The following HUWE1 variants were observed in gnomAD, a reference collection of about 807,000 sequenced individuals.
HUWE1 encodes HECT, UBA and WWE domain containing E3 ubiquitin protein ligase 1.
Under a neutral mutation model 299.4 loss-of-function variants are expected in HUWE1, and 18 were observed. The observed-to-expected ratio is 0.06, with a 90% CI of 0.04 to 0.09. The LOEUF is 0.09. Among genes scored for constraint, HUWE1 ranks in the 10% least tolerant of loss-of-function variants. HUWE1 has a pLI of 1.00. For synonymous variants in HUWE1, 1,317 were observed against 1,286.1 expected, an observed-to-expected ratio of 1.02 and a Z score of -0.51; for missense variants, 1,832 against 3,462.3, an observed-to-expected ratio of 0.53 and a Z score of 11.82.
chrX:53,603,527 T>G, intron 26 of HUWE1, 26 bp from the exon 27 acceptor site: 1 of 1,198,597 alleles, frequency 8.3e-7, no homozygotes, highest in Non-Finnish European at 1.1e-6. Context: ...GAATTTCACC[T>G]TTGGGATGTT....
chrX:53,599,999 A>C, intron 29 of HUWE1, 119 bp downstream of exon 29: 1 of 648,175 alleles, frequency 1.5e-6, no homozygotes, highest in Admixed American at 2.4e-5. Context: ...GACACTTAAA[A>C]ATGAGTCACA....
At chrX:53,645,499 A>T (rs2067914032) in intron 6 of HUWE1, 36 bp from the exon 7 acceptor site, 1 of 1,185,276 alleles carries the variant, frequency 8.4e-7, no homozygotes. Context: ...TCAAGGTATC[A>T]GGCACAACTG....
At chrX:53,672,568 T>C (rs782516206) in intron 3 of HUWE1, among the ~76,000 whole-genome samples, 10 of 111,570 alleles carry the variant, frequency 9.0e-5, no homozygotes, top group African/African-American at 2.6e-4. Flanking sequence ...TGAGATGTCC[T>C]CATTCTTAAG....
intron 39 of HUWE1, among the ~76,000 whole-genome samples, chrX:53,585,818 C>T (rs1206709654): frequency 1.8e-5 from 2 of 111,509 alleles, no homozygotes; most frequent in Non-Finnish European, 3.8e-5. Flanking sequence ...ACCTGAGTAG[C>T]TGGGACCATA....
chrX:53,654,445 A>G (rs1308858465), intron 3 of HUWE1, among the ~76,000 whole-genome samples: 2 of 111,947 alleles, frequency 1.8e-5, no homozygotes, highest in East Asian at 5.6e-4. Flanking sequence ...TGTTTGCAAC[A>G]CATCTCAGGA....
At chrX:53,569,473 G>A (rs782152789) in intron 48 of HUWE1, 143 bp downstream of exon 48, 623 of 555,769 alleles carry the variant, frequency 1.1e-3, no homozygotes, top group Non-Finnish European at 1.7e-3. Context: ...ATTTCCAACC[G>A]CCAGAACTAT....
intron 57 of HUWE1, 65 bp from the exon 58 acceptor site, chrX:53,559,125 C>T: frequency 1.2e-5 from 11 of 936,889 alleles, no homozygotes; most frequent in Non-Finnish European, 1.5e-5. Context: ...TCCACCGATC[C>T]AAAAATTGCA....
At chrX:53,611,491 A>T (rs944501547) in intron 23 of HUWE1, among the ~76,000 whole-genome samples, 6 of 112,125 alleles carry the variant, frequency 5.4e-5, no homozygotes, top group Non-Finnish European at 9.4e-5. Context: ...TGATGACAGA[A>T]GTAAGATGAG....
chrX:53,642,646 C>T (rs1278868270), intron 7 of HUWE1, among the ~76,000 whole-genome samples: 3 of 112,291 alleles, frequency 2.7e-5, no homozygotes, highest in Non-Finnish European at 5.6e-5. Context: ...GCTTCACATA[C>T]CTGCCAGGAC....
chrX:53,613,651 C>T (rs1557004544), intron 23 of HUWE1, among the ~76,000 whole-genome samples: 1 of 111,718 alleles, frequency 9.0e-6, no homozygotes, highest in Non-Finnish European at 1.9e-5. Context: ...CTCCCTGCTT[C>T]CATCTAAGCA....
chrX:53,637,152 C>T (rs898573898), intron 7 of HUWE1, among the ~76,000 whole-genome samples: 3 of 112,173 alleles, frequency 2.7e-5, no homozygotes, highest in Admixed American at 9.4e-5. Flanking sequence ...TTGAATAATC[C>T]ATTCTTTTTC....
intron 49 of HUWE1, 90 bp downstream of exon 49, chrX:53,568,602 A>C: frequency 1.1e-6 from 1 of 916,072 alleles, no homozygotes; most frequent in Non-Finnish European, 1.5e-6. Flanking sequence ...ACTTGTACCC[A>C]AAGTTTTCCC....
At chrX:53,553,276 G>T (rs1042941592) in intron 61 of HUWE1, among the ~76,000 whole-genome samples, 1 of 109,008 alleles carries the variant, frequency 9.2e-6, no homozygotes, top group South Asian at 4.1e-4. Context: ...CTGAGGAGCT[G>T]GGATTACAGG....
rs782608727 is a variant in HUWE1 at position 53,538,935 on chromosome X, G to A, written c.11778C>T (p.Ala3926=). The A allele has an allele frequency of 3.3e-6, 4 of 1,208,904 alleles. No individual in the cohort carries two copies. The highest frequency in any genetic ancestry group is 1.8e-5 in the South Asian group (1 of 56,533). ...PPLSPAPLTP[A]TPSSLDPFFS... ...AGAATGGGTCAAGGGAGGAAGGCGTGGCTGGGGTTAAGGGGGCAGGGGAGA... is the reference window on the plus strand; with the variant it reads ...AGAATGGGTCAAGGGAGGAAGGCGTAGCTGGGGTTAAGGGGGCAGGGGAGA... Residue 3926 remains alanine, a synonymous_variant, in exon 76 of 84, where the codon GCC becomes GCT. Transcript: ENST00000262854.
intron 29 of HUWE1, among the ~76,000 whole-genome samples, chrX:53,596,266 A>G (rs1350783455): frequency 1.8e-5 from 2 of 111,652 alleles, no homozygotes; most frequent in African/African-American, 6.5e-5. Flanking sequence ...TTCAATAGAT[A>G]TACTGAAAAT....
intron 6 of HUWE1, 40 bp from the exon 7 acceptor site, chrX:53,645,503 A>C: frequency 5.1e-6 from 6 of 1,182,824 alleles, no homozygotes; most frequent in Non-Finnish European, 6.9e-6. Context: ...GGTATCAGGC[A>C]CAACTGGCCT....
chrX:53,546,903 C>T (rs905033515), intron 68 of HUWE1, 78 bp from the exon 69 acceptor site: 199 of 1,104,143 alleles, frequency 1.8e-4, no homozygotes, highest in Non-Finnish European at 2.4e-4. Context: ...ATCAAGGAAT[C>T]GCTGAATTGC....
chrX:53,664,058 G>GT (rs1557046585), intron 3 of HUWE1, among the ~76,000 whole-genome samples: 1 of 110,233 alleles, frequency 9.1e-6, no homozygotes, highest in Non-Finnish European at 1.9e-5. Context: ...TTTGTAATTT[G>GT]TTTTTTTAAA....
chrX:53,569,899 T>TAC (rs782392368), intron 47 of HUWE1, 72 bp from the exon 48 acceptor site: 3 of 862,559 alleles, frequency 3.5e-6, no homozygotes, highest in Non-Finnish European at 3.4e-6. Context: ...GGACCAAAGA[T>TAC]ACACACACAC....
Sources: allele counts gnomAD v4.1 joint callset (sites outside exome capture counted in the v4.1 genomes callset), GRCh38; gene constraint gnomAD v4.1.1; transcripts MANE v1.5; gene names NCBI Gene and HGNC (gene_info 2026-07-23, HGNC 2026-07-21).